The following LAMA2 variants were observed in gnomAD, a reference collection of about 807,000 sequenced individuals.
LAMA2 encodes the protein laminin subunit alpha-2.
In LAMA2, 269 loss-of-function variants were observed where a neutral mutation model predicts 364.8. That is an observed-to-expected ratio of 0.74 (90% CI 0.67 to 0.82). The LOEUF (loss-of-function observed/expected upper bound fraction) is 0.82, where lower values mean the gene tolerates loss of function less well. Ranked by LOEUF, LAMA2 falls within the 40% of genes least tolerant of loss-of-function variation. The probability of loss-of-function intolerance (pLI) is 0.00; values close to 1 mark genes in which losing one functional copy is unlikely to be tolerated. For missense variants in LAMA2, 3,807 were observed against 3,873.2 expected, an observed-to-expected ratio of 0.98 and a Z score of 0.45; for synonymous variants, 1,379 against 1,370.6, an observed-to-expected ratio of 1.01 and a Z score of -0.14.
At chr6:128,888,857 A>G (rs1378766243) in intron 1 of LAMA2, among the ~76,000 whole-genome samples, 1 of 152,202 alleles carries the variant, frequency 6.6e-6, no homozygotes, top group African/African-American at 2.4e-5. Flanking sequence ...TGTCTCAAAT[A>G]CGCACTAATC....
At chr6:129,111,243 A>G (rs1776141274) in intron 4 of LAMA2, among the ~76,000 whole-genome samples, 2 of 152,020 alleles carry the variant, frequency 1.3e-5, no homozygotes, top group Admixed American at 6.6e-5. Context: ...CTACAGCCAA[A>G]TATTTTCATT....
chr6:128,888,794 G>T (rs1210352097), intron 1 of LAMA2, among the ~76,000 whole-genome samples: 1 of 152,164 alleles, frequency 6.6e-6, no homozygotes, highest in Middle Eastern at 3.2e-3. Flanking sequence ...AGATGAGGAG[G>T]CATCGGTGAG....
At chr6:129,337,159 C>T (rs1399912378) in intron 29 of LAMA2, among the ~76,000 whole-genome samples, 1 of 152,060 alleles carries the variant, frequency 6.6e-6, no homozygotes, top group African/African-American at 2.4e-5. Flanking sequence ...GGGGAAAGAA[C>T]AGAGGAAATG....
At chr6:129,186,562 G>A (rs1781240502) in intron 10 of LAMA2, among the ~76,000 whole-genome samples, 1 of 151,670 alleles carries the variant, frequency 6.6e-6, no homozygotes, top group African/African-American at 2.4e-5. Flanking sequence ...CTCACATCTG[G>A]AAGAGGACAC....
chr6:129,408,867 C>T (rs566151756), intron 40 of LAMA2, among the ~76,000 whole-genome samples: 183 of 152,248 alleles, frequency 1.2e-3, no homozygotes, highest in Non-Finnish European at 1.9e-3. Context: ...ATGAGTCATC[C>T]TATCCACTTG....
At chr6:128,915,566 C>A (rs1463896082) in intron 1 of LAMA2, among the ~76,000 whole-genome samples, 2 of 152,166 alleles carry the variant, frequency 1.3e-5, no homozygotes, top group Non-Finnish European at 2.9e-5. Context: ...CCTTTCTTTT[C>A]TTCTATATTT....
chr6:129,116,875 T>C (rs980403429), intron 4 of LAMA2, among the ~76,000 whole-genome samples: 2 of 152,014 alleles, frequency 1.3e-5, no homozygotes, highest in African/African-American at 4.8e-5. Context: ...AATAAATGAA[T>C]TTATTACCAC....
At chr6:129,126,373 A>G (rs991901382) in intron 4 of LAMA2, among the ~76,000 whole-genome samples, 1 of 152,204 alleles carries the variant, frequency 6.6e-6, no homozygotes, top group African/African-American at 2.4e-5. Context: ...TTGATGACTA[A>G]CTATATTTTT....
rs748218196 is a variant in LAMA2 at position 129,383,167 on chromosome 6, GA to G, written c.5006del (p.Glu1669GlyfsTer24). The G allele has an allele frequency of 6.2e-7, 1 of 1,613,956 alleles. No individual in the cohort carries two copies. Among genetic ancestry groups the G allele is most frequent in the Non-Finnish European group, 8.5e-7 (1 of 1,179,928 alleles). On this transcript the variant is annotated frameshift_variant, in exon 35 of 65. Coordinates refer to ENST00000421865, the MANE Select transcript of LAMA2 (RefSeq NM_000426.4). LOFTEE classifies it high-confidence loss of function. ...TGGCGAGCAGACCGGACAGGATGCT[GA>G]GAGGACCAACACAAGAGCAAAGTCC... ...ADGEQTGQDA[E>X]RTNTRAKSLG...
Position 129,493,396 on chromosome 6 carries a change from T to C in LAMA2, c.8244+913T>C, listed in dbSNP as rs536100409. 2.9e-3 allele frequency among the ~76,000 whole-genome samples: 443 copies of C among 152,248 alleles called. 2 individuals are homozygous for C. The highest frequency in any genetic ancestry group is 9.9e-3 in the African/African-American group (412 of 41,532). On this transcript the variant is annotated intron_variant, in intron 58 of 64. Coordinates refer to ENST00000421865, the MANE Select transcript of LAMA2 (RefSeq NM_000426.4). Reference sequence around the variant, plus strand: ...GAAAGCTACCTGTCCAATCTATTTCTCAGTTTCCCATCCAAGTACTAACCG... The same window carrying C: ...GAAAGCTACCTGTCCAATCTATTTCCCAGTTTCCCATCCAAGTACTAACCG...
chr6:128,909,926 G>A (rs1439851157), intron 1 of LAMA2, among the ~76,000 whole-genome samples: 2 of 151,548 alleles, frequency 1.3e-5, no homozygotes, highest in Non-Finnish European at 3.0e-5. Flanking sequence ...GAAATTCTGG[G>A]TTGAAAATTC....
intron 1 of LAMA2, among the ~76,000 whole-genome samples, chr6:129,029,160 G>A (rs1786046240): frequency 6.6e-6 from 1 of 151,864 alleles, no homozygotes; most frequent in South Asian, 2.1e-4. Context: ...CAATTTTTTA[G>A]AAGCAAAAAT....
intron 3 of LAMA2, among the ~76,000 whole-genome samples, chr6:129,064,255 TAAG>T (rs1177107150): frequency 6.7e-6 from 1 of 148,868 alleles, no homozygotes; most frequent in African/African-American, 2.5e-5. Context: ...CTAACACTGA[TAAG>T]AAGAAGCAAA....
At chr6:129,040,566 C>T (rs1445302397) in intron 1 of LAMA2, among the ~76,000 whole-genome samples, 1 of 152,132 alleles carries the variant, frequency 6.6e-6, no homozygotes, top group Non-Finnish European at 1.5e-5. Flanking sequence ...GAGGCAGAGG[C>T]TTCAGTGTGC....
In LAMA2 at chr6:129,391,480, A is replaced by G; in HGVS notation, c.5072-11A>G. On this transcript the variant is annotated splice_polypyrimidine_tract_variant and intron_variant, in intron 35 of 64. Coordinates refer to ENST00000421865, the MANE Select transcript of LAMA2 (RefSeq NM_000426.4). ...TTTACTAATTTACAAAATTTGTTTT[A>G]CCCCCTGCAGCTGTAAATGAAAAAG... 1 of 1,611,940 alleles carries G rather than the reference A, an allele frequency of 6.2e-7. No homozygotes were observed. The highest frequency in any genetic ancestry group is 2.2e-5 in the East Asian group (1 of 44,842).
At chr6:129,347,062 T>C (rs1776596183) in intron 30 of LAMA2, among the ~76,000 whole-genome samples, 1 of 152,100 alleles carries the variant, frequency 6.6e-6, no homozygotes. Flanking sequence ...GGCTAGGAGA[T>C]GAAGTCAGCA....
intron 4 of LAMA2, 86 bp downstream of exon 4, chr6:129,098,501 G>T (rs1487203815): frequency 1.4e-6 from 2 of 1,447,868 alleles, no homozygotes; most frequent in Non-Finnish European, 1.9e-6. Context: ...AGTAATTAAT[G>T]TCAGGGAGAT....
intron 4 of LAMA2, among the ~76,000 whole-genome samples, chr6:129,125,402 C>A (rs1046544684): frequency 6.6e-6 from 1 of 152,082 alleles, no homozygotes; most frequent in East Asian, 1.9e-4. Context: ...CCAGGAAGTA[C>A]AAGAAGACCT....
At chr6:129,134,333 C>T (rs1246621265) in intron 4 of LAMA2, among the ~76,000 whole-genome samples, 2 of 152,140 alleles carry the variant, frequency 1.3e-5, no homozygotes, top group Non-Finnish European at 2.9e-5. Context: ...TAGAATTTAC[C>T]ATAAAGCATA....
Sources: allele counts gnomAD v4.1 joint callset (sites outside exome capture counted in the v4.1 genomes callset), GRCh38; gene constraint gnomAD v4.1.1; transcripts MANE v1.5; gene names NCBI Gene and HGNC (gene_info 2026-07-23, HGNC 2026-07-21).